FBLN7: variants seen among roughly 807,000 people sequenced by gnomAD.
FBLN7 encodes the protein fibulin 7.
A neutral mutation model predicts 44.0 loss-of-function variants in FBLN7; 31 were observed. That is an observed-to-expected ratio of 0.70 (90% CI 0.53 to 0.95). The LOEUF (loss-of-function observed/expected upper bound fraction) is 0.95, where lower values mean the gene tolerates loss of function less well. Ranked by LOEUF, FBLN7 falls within the 40% of genes least tolerant of loss-of-function variation. The pLI is 0.00. For synonymous variants in FBLN7, 262 were observed against 253.4 expected (o/e 1.03, Z -0.32); for missense variants, 573 against 618.5 (o/e 0.93, Z 0.78).
the FBLN7 span, among the ~76,000 whole-genome samples, chr2:112,242,799 T>C: frequency 1.3e-5 from 2 of 152,348 alleles, no homozygotes; most frequent in South Asian, 2.1e-4. Flanking sequence ...ATTAAAATTA[T>C]TCTTTTTTAA....
Position 112,165,075 on chromosome 2 carries a change from C to T in FBLN7, c.310C>T (p.His104Tyr), listed in dbSNP as rs1485454868. ...CAAGTACTTAGTGGATCACGAAGTC[C>T]ATTTTACCTGCAACCCTGGGTTCCG... ...GSKYLVDHEV[H>Y]FTCNPGFRLV... The change falls in exon 3 of 8, where the codon CAT (histidine) becomes TAT (tyrosine). Residue 104 changes from histidine (H) to tyrosine (Y), a missense_variant. Physicochemically the swap from His to Tyr is moderately conservative, Grantham distance 83. Transcript: ENST00000331203. The T allele has an allele frequency of 6.2e-7, 1 of 1,614,102 alleles. No homozygotes were observed. The highest frequency in any genetic ancestry group is 2.2e-5 in the East Asian group (1 of 44,890).
In FBLN7 at chr2:112,171,151, G is replaced by A. The variant is rs145689258; in HGVS notation, c.407-4563G>A. ...AGATCCATTCATTCCACCCTAGATG[G>A]GTAGACATCGTCTGGAGCTCAAGGC... is the stretch of plus-strand genomic sequence containing the variant. On this transcript the variant is annotated intron_variant, in intron 3 of 7. Coordinates refer to ENST00000331203, the MANE Select transcript of FBLN7 (RefSeq NM_153214.3). Among the ~76,000 whole-genome samples, 627 of 152,256 alleles carry A rather than the reference G, an allele frequency of 4.1e-3. 5 individuals are homozygous for A. Among genetic ancestry groups the A allele is most frequent in the Non-Finnish European group, 5.8e-3 (393 of 68,016 alleles).
downstream of FBLN7, among the ~76,000 whole-genome samples, chr2:112,192,338 G>A (rs1294838377): frequency 4.6e-5 from 7 of 152,208 alleles, no homozygotes; most frequent in South Asian, 1.0e-3. Context: ...CCCCAGTGAC[G>A]CCTCCAGTTC....
the FBLN7 span, among the ~76,000 whole-genome samples, chr2:112,196,972 T>A: frequency 2.6e-5 from 4 of 152,002 alleles, no homozygotes; most frequent in Non-Finnish European, 5.9e-5. Context: ...TTGGATCTCC[T>A]AAGACTTATT....
intron 3 of FBLN7, among the ~76,000 whole-genome samples, chr2:112,168,852 A>T (rs1160275160): frequency 6.6e-6 from 1 of 152,222 alleles, no homozygotes; most frequent in Admixed American, 6.5e-5. Flanking sequence ...TATCAGTGCC[A>T]GTGACAAATT....
the FBLN7 span, among the ~76,000 whole-genome samples, chr2:112,228,746 A>G: frequency 6.6e-6 from 1 of 151,808 alleles, no homozygotes. Flanking sequence ...AAACTGTACG[A>G]CATCAAAATG....
chr2:112,181,689 C>A (rs934922250), intron 4 of FBLN7, 50 bp from the exon 5 acceptor site: 93 of 1,350,270 alleles, frequency 6.9e-5, no homozygotes, highest in Non-Finnish European at 8.3e-5. Flanking sequence ...AAGGTCGGGC[C>A]CACGGCAGGT....
chr2:112,238,322 G>C, the FBLN7 span: 1 of 1,613,048 alleles, frequency 6.2e-7, no homozygotes, highest in South Asian at 1.1e-5. Flanking sequence ...TACCCTGTGG[G>C]GTATCTTTTA....
At chr2:112,235,631 A>G in the FBLN7 span, among the ~76,000 whole-genome samples, 1 of 152,178 alleles carries the variant, frequency 6.6e-6, no homozygotes, top group African/African-American at 2.4e-5. Flanking sequence ...AAAAGTTGCC[A>G]TCCAGTTAAA....
intron 7 of FBLN7, among the ~76,000 whole-genome samples, chr2:112,185,649 A>G (rs1332536447): frequency 5.9e-5 from 9 of 152,170 alleles, no homozygotes; most frequent in Non-Finnish European, 1.0e-4. Flanking sequence ...GAAGGGAAGA[A>G]GCTGTTGGTG....
chr2:112,211,314 A>T, the FBLN7 span, among the ~76,000 whole-genome samples: 1 of 152,172 alleles, frequency 6.6e-6, no homozygotes, highest in Admixed American at 6.5e-5. Context: ...AAAATTAATC[A>T]TGGGAGTGAA....
At chr2:112,174,136 A>T (rs1231105676) in intron 3 of FBLN7, among the ~76,000 whole-genome samples, 1 of 152,218 alleles carries the variant, frequency 6.6e-6, no homozygotes, top group East Asian at 1.9e-4. Context: ...CGGCCTAGTG[A>T]TCTGCCCACT....
intron 7 of FBLN7, 75 bp downstream of exon 7, chr2:112,185,414 C>A: frequency 2.6e-6 from 4 of 1,546,954 alleles, no homozygotes; most frequent in Non-Finnish European, 3.5e-6. Flanking sequence ...CCTAGAGGTT[C>A]TTGGGAGAAG....
the FBLN7 span, among the ~76,000 whole-genome samples, chr2:112,202,690 C>T: frequency 6.6e-6 from 1 of 152,090 alleles, no homozygotes; most frequent in South Asian, 2.1e-4. Context: ...TGGTGAAATG[C>T]CTGTGGCATT....
At chr2:112,236,188 C>T in the FBLN7 span, among the ~76,000 whole-genome samples, 3 of 151,918 alleles carry the variant, frequency 2.0e-5, no homozygotes, top group Admixed American at 1.3e-4. Flanking sequence ...CACTTGAACC[C>T]GAGAGGCGGA....
At chr2:112,197,234 A>AAC in the FBLN7 span, among the ~76,000 whole-genome samples, 5,210 of 89,138 alleles carry the variant, frequency 0.058, 194 homozygotes, top group African/African-American at 0.093. Context: ...CGTAAGAGAA[A>AAC]ACACACACAC....
chr2:112,204,274 A>G, the FBLN7 span, among the ~76,000 whole-genome samples: 1 of 142,946 alleles, frequency 7.0e-6, no homozygotes, highest in South Asian at 2.3e-4. Flanking sequence ...CTTGAGGAAC[A>G]AAAAAAAAAA....
chr2:112,199,579 A>G, the FBLN7 span, among the ~76,000 whole-genome samples: 32 of 152,182 alleles, frequency 2.1e-4, no homozygotes, highest in Non-Finnish European at 4.1e-4. Flanking sequence ...CCCTTCCAGG[A>G]TCATCCTATG....
At chr2:112,165,300 A>C (rs953002731) in intron 3 of FBLN7, 129 bp downstream of exon 3, 8 of 1,189,942 alleles carry the variant, frequency 6.7e-6, no homozygotes, top group Admixed American at 2.7e-5. Flanking sequence ...ACCACAGAAC[A>C]GCAGCCAATG....
Sources: allele counts gnomAD v4.1 joint callset (sites outside exome capture counted in the v4.1 genomes callset), GRCh38; gene constraint gnomAD v4.1.1; transcripts MANE v1.5; gene names NCBI Gene and HGNC (gene_info 2026-07-23, HGNC 2026-07-21).